Variants in ARHGAP6 observed in about 807,000 individuals in gnomAD.
ARHGAP6 encodes the protein rho GTPase-activating protein 6.
In ARHGAP6, 16 loss-of-function variants were observed where a neutral mutation model predicts 55.7. The ratio of observed to expected loss-of-function variants is 0.29; its 90% CI spans 0.19 to 0.44. The LOEUF is 0.44. Ranked by LOEUF, ARHGAP6 falls within the 20% of genes least tolerant of loss-of-function variation. The pLI is 1.00. For missense variants in ARHGAP6, 698 were observed against 808.9 expected (o/e 0.86, Z 1.66); for synonymous variants, 382 against 360.9 (o/e 1.06, Z -0.66).
chrX:11,650,856 T>C (rs181904753), intron 1 of ARHGAP6, among the ~76,000 whole-genome samples: 1 of 112,643 alleles, frequency 8.9e-6, no homozygotes, highest in African/African-American at 3.2e-5. Context: ...TCACACTTTG[T>C]GACCTTCAAG....
At chrX:11,174,518 T>TTCC (rs2046141817) in intron 8 of ARHGAP6, among the ~76,000 whole-genome samples, 3 of 69,534 alleles carry the variant, frequency 4.3e-5, no homozygotes, top group African/African-American at 1.8e-4. Context: ...TCTTTCTTTC[T>TTCC]TTCCTTCCTT....
At chrX:11,616,696 A>G (rs919820084) in intron 1 of ARHGAP6, among the ~76,000 whole-genome samples, 2 of 111,440 alleles carry the variant, frequency 1.8e-5, no homozygotes, top group Non-Finnish European at 3.8e-5. Context: ...AGACTAACAC[A>G]CTTTCTATGT....
intron 1 of ARHGAP6, among the ~76,000 whole-genome samples, chrX:11,612,913 T>C (rs1165693220): frequency 8.9e-6 from 1 of 112,644 alleles, no homozygotes. Flanking sequence ...CTAAGCCTAC[T>C]AGCTGTAAAC....
intron 1 of ARHGAP6, among the ~76,000 whole-genome samples, chrX:11,283,058 C>A (rs773218355): frequency 8.9e-6 from 1 of 111,813 alleles, no homozygotes; most frequent in South Asian, 3.8e-4. Context: ...AACAACAATC[C>A]TATACAGAAT....
intron 1 of ARHGAP6, among the ~76,000 whole-genome samples, chrX:11,320,420 T>C (rs1244080904): frequency 9.0e-6 from 1 of 111,530 alleles, no homozygotes; most frequent in Non-Finnish European, 1.9e-5. Flanking sequence ...CTTGTGCTGG[T>C]GGAGTTGGGG....
intron 1 of ARHGAP6, among the ~76,000 whole-genome samples, chrX:11,295,340 C>A (rs2048065812): frequency 9.0e-6 from 1 of 111,714 alleles, no homozygotes; most frequent in Non-Finnish European, 1.9e-5. Context: ...ACTTTTTGAG[C>A]CACATTCCTG....
intron 1 of ARHGAP6, among the ~76,000 whole-genome samples, chrX:11,459,038 G>A (rs2050219762): frequency 9.1e-6 from 1 of 110,465 alleles, no homozygotes; most frequent in Non-Finnish European, 1.9e-5. Context: ...AGAGGAGGGA[G>A]TTGGAGTACT....
At chrX:11,365,781 A>G (rs998552914) in intron 1 of ARHGAP6, among the ~76,000 whole-genome samples, 1 of 112,249 alleles carries the variant, frequency 8.9e-6, no homozygotes. Flanking sequence ...AAGGAAAGCA[A>G]TTTCATCTGT....
intron 1 of ARHGAP6, among the ~76,000 whole-genome samples, chrX:11,503,698 CTT>C (rs2050702861): frequency 9.0e-6 from 1 of 111,512 alleles, no homozygotes; most frequent in African/African-American, 3.3e-5. Context: ...AGACACGACT[CTT>C]TATTCATTTG....
intron 2 of ARHGAP6, among the ~76,000 whole-genome samples, chrX:11,199,900 A>C (rs2046595612): frequency 1.8e-5 from 2 of 112,628 alleles, no homozygotes; most frequent in African/African-American, 6.5e-5. Flanking sequence ...CAAAATGACC[A>C]GAGATGCACA....
chrX:11,309,791 C>A (rs910230573), intron 1 of ARHGAP6, among the ~76,000 whole-genome samples: 1 of 111,114 alleles, frequency 9.0e-6, no homozygotes, highest in African/African-American at 3.3e-5. Flanking sequence ...ATAAATATTT[C>A]TCTGAAGAAG....
Position 11,210,584 on chromosome X carries a change from A to T in ARHGAP6, c.749-13588T>A, listed in dbSNP as rs755815330. Among the ~76,000 whole-genome samples the T allele has an allele frequency of 8.9e-5, 10 of 112,534 alleles. No individual in the cohort carries two copies. In the South Asian group the frequency reaches 3.3e-3, roughly 37 times the overall value. Reference sequence around the variant, plus strand: ...GTTGGCTTAGAATGCCACAGAATGCAACGGACACAGGGACATTTATTTTGT... The same window carrying T: ...GTTGGCTTAGAATGCCACAGAATGCTACGGACACAGGGACATTTATTTTGT... On this transcript the variant is annotated intron_variant, in intron 2 of 12. Coordinates refer to ENST00000337414, the MANE Select transcript of ARHGAP6 (RefSeq NM_013427.3).
intron 2 of ARHGAP6, among the ~76,000 whole-genome samples, chrX:11,243,499 A>G (rs1286696874): frequency 8.9e-6 from 1 of 112,456 alleles, no homozygotes; most frequent in Non-Finnish European, 1.9e-5. Flanking sequence ...ATGAAGATTG[A>G]CTTATTAAAG....
In ARHGAP6 at chrX:11,648,153, G is replaced by C. The variant is rs544228765; in HGVS notation, c.588+16088C>G. Reference sequence around the variant, plus strand: ...GTGTACATTTCAAGATAGCTAGAAGGTATAGAATGTTATCTCCACAAATAA... The same window carrying C: ...GTGTACATTTCAAGATAGCTAGAAGCTATAGAATGTTATCTCCACAAATAA... On this transcript the variant is annotated intron_variant, in intron 1 of 12. Coordinates refer to ENST00000337414, the MANE Select transcript of ARHGAP6 (RefSeq NM_013427.3). Among the ~76,000 whole-genome samples, 35 of 111,924 alleles carry C rather than the reference G, an allele frequency of 3.1e-4. 1 individual carries two copies. Among genetic ancestry groups the C allele is most frequent in the African/African-American group, 9.1e-4 (28 of 30,844 alleles).
At chrX:11,145,001 A>C (rs1296231882) in intron 10 of ARHGAP6, 2 of 112,622 alleles carry the variant, frequency 1.8e-5, no homozygotes, top group African/African-American at 6.5e-5. Context: ...AAACAGAAAT[A>C]ACAGTGAAAA....
intron 1 of ARHGAP6, among the ~76,000 whole-genome samples, chrX:11,572,819 T>C (rs1372959589): frequency 4.5e-5 from 5 of 111,624 alleles, no homozygotes; most frequent in Admixed American, 9.5e-5. Flanking sequence ...TGTAAAAGTG[T>C]TCCTATTTCT....
chrX:11,186,391 T>A lies in ARHGAP6; in HGVS notation c.1118A>T (p.Asn373Ile). The A allele has an allele frequency of 1.7e-6, 2 of 1,211,297 alleles. No homozygotes were observed. Among genetic ancestry groups the A allele is most frequent in the Non-Finnish European group, 2.2e-6 (2 of 895,282 alleles). The part of the protein sequence containing the change: ...SVDSITDLDD[N>I]QSRLLEALQL... The stretch of plus-strand genomic sequence containing the variant: ...TAAAGCTTCTAGTAGTCGAGACTGA[T>A]TGTCATCAAGATCGGTGATAGAATC... Residue 373 changes from asparagine (N) to isoleucine (I), a missense_variant, in exon 5 of 13, where the codon AAT (asparagine) becomes ATT (isoleucine). By Grantham distance (149) the Asn-to-Ile change is moderately radical (BLOSUM62 -3). Coordinates refer to ENST00000337414, the MANE Select transcript of ARHGAP6 (RefSeq NM_013427.3).
At chrX:11,280,385 A>G (rs999886926) in intron 1 of ARHGAP6, among the ~76,000 whole-genome samples, 12 of 111,387 alleles carry the variant, frequency 1.1e-4, no homozygotes, top group African/African-American at 3.9e-4. Context: ...AGGTCATTTT[A>G]TCTTTTTGTC....
At chrX:11,557,673 C>A (rs998295155) in intron 1 of ARHGAP6, among the ~76,000 whole-genome samples, 1 of 111,881 alleles carries the variant, frequency 8.9e-6, no homozygotes, top group African/African-American at 3.3e-5. Flanking sequence ...AGGAAAAAAC[C>A]CTGTAAGCAC....
Sources: gnomAD v4.1 joint callset for allele counts (sites outside exome capture counted in the v4.1 genomes callset) on GRCh38, gnomAD v4.1.1 for gene constraint, MANE v1.5 for transcripts, NCBI Gene and HGNC (gene_info 2026-07-23, HGNC 2026-07-21) for gene names.